Variants in KANTR observed in about 807,000 individuals in gnomAD.
KANTR encodes the protein KANTR integral membrane protein.
chrX:53,117,609 G>GTTTTTT (rs869034016), intron 2 of KANTR, among the ~76,000 whole-genome samples: 2 of 63,873 alleles, frequency 3.1e-5, no homozygotes, highest in African/African-American at 1.4e-4. Context: ...GTGTGTGTGT[G>GTTTTTT]TTTTTTTTTT....
chrX:53,137,321 A>C (rs1933438824), intron 2 of KANTR, among the ~76,000 whole-genome samples: 1 of 111,589 alleles, frequency 9.0e-6, no homozygotes, highest in Non-Finnish European at 1.9e-5. Context: ...AGGCCTTTCT[A>C]TTTGTGCCAT....
At chrX:53,102,306 A>G (rs1932901511) in intron 2 of KANTR, among the ~76,000 whole-genome samples, 1 of 110,232 alleles carries the variant, frequency 9.1e-6, no homozygotes, top group Non-Finnish European at 1.9e-5. Context: ...TTTCTTTTCA[A>G]GGATTCAGTT....
At chrX:53,145,229 G>A (rs782649555), downstream of KANTR, among the ~76,000 whole-genome samples, 1 of 111,882 alleles carries the variant, frequency 8.9e-6, no homozygotes, top group Admixed American at 9.4e-5. Context: ...GGAAGCACAA[G>A]GGGTCAGGGA....
At chrX:53,119,331 T>C (rs781927642) in intron 2 of KANTR, among the ~76,000 whole-genome samples, 32 of 112,222 alleles carry the variant, frequency 2.9e-4, no homozygotes, top group African/African-American at 9.4e-4. Flanking sequence ...TAGCCAGCAA[T>C]TTTTTGTCTT....
At chrX:53,107,064 A>G (rs1459152562) in intron 2 of KANTR, among the ~76,000 whole-genome samples, 2 of 110,758 alleles carry the variant, frequency 1.8e-5, no homozygotes, top group African/African-American at 6.7e-5. Flanking sequence ...TGTCTTAATT[A>G]CTGTAGTTGT....
At chrX:53,140,141 G>A (rs781893188) in intron 2 of KANTR, among the ~76,000 whole-genome samples, 1 of 112,345 alleles carries the variant, frequency 8.9e-6, no homozygotes, top group South Asian at 3.7e-4. Context: ...CATGGCTGAT[G>A]GGAGTGTGGA....
At chrX:53,098,934 A>G (rs782413261) in intron 1 of KANTR, among the ~76,000 whole-genome samples, 1 of 111,250 alleles carries the variant, frequency 9.0e-6, no homozygotes, top group South Asian at 3.8e-4. Context: ...TGTGTTGTCC[A>G]GGCTAGTCTC....
chrX:53,119,044 C>CTTTTTTTTTTTT (rs59837494), intron 2 of KANTR, among the ~76,000 whole-genome samples: 1 of 70,478 alleles, frequency 1.4e-5, no homozygotes. Context: ...ATTTTTCTTT[C>CTTTTTTTTTTTT]TTTTTTTTTT....
At chrX:53,101,653 A>G (rs1556811888) in intron 2 of KANTR, among the ~76,000 whole-genome samples, 3 of 111,128 alleles carry the variant, frequency 2.7e-5, no homozygotes, top group African/African-American at 6.5e-5. Flanking sequence ...GCCATCTTAC[A>G]TGGGTACAGT....
downstream of KANTR, among the ~76,000 whole-genome samples, chrX:53,128,170 T>G (rs1456200127): frequency 4.5e-5 from 5 of 111,625 alleles, no homozygotes; most frequent in African/African-American, 1.6e-4. Flanking sequence ...GGTCACCCAC[T>G]AATTTCATCA....
At chrX:53,132,383 T>C (rs1235658213), downstream of KANTR, among the ~76,000 whole-genome samples, 1 of 111,620 alleles carries the variant, frequency 9.0e-6, no homozygotes, top group African/African-American at 3.3e-5. Context: ...GGGCCTCCAG[T>C]TGCAAACAGG....
At chrX:53,098,454 A>G (rs1237499497) in intron 1 of KANTR, among the ~76,000 whole-genome samples, 4 of 111,414 alleles carry the variant, frequency 3.6e-5, no homozygotes, top group Admixed American at 9.6e-5. Context: ...TAAGATATCA[A>G]TGAAGTTTGG....
chrX:53,142,316 GTTTT>G, exon 3 of KANTR: 1 of 102,211 alleles, frequency 9.8e-6, no homozygotes, highest in Non-Finnish European at 1.9e-5. Context: ...TTCTGTGTAT[GTTTT>G]TTTTTTTTTT....
chrX:53,118,916 T>C (rs781798647), intron 2 of KANTR, among the ~76,000 whole-genome samples: 2 of 111,853 alleles, frequency 1.8e-5, no homozygotes, highest in Non-Finnish European at 3.8e-5. Flanking sequence ...AAATCATTTT[T>C]TATTGATTTG....
chrX:53,128,952 A>C (rs917876584), downstream of KANTR, among the ~76,000 whole-genome samples: 1 of 111,248 alleles, frequency 9.0e-6, no homozygotes, highest in African/African-American at 3.3e-5. Flanking sequence ...GGATGACACT[A>C]ACAATATCAT....
chrX:53,105,225 A>G lies in KANTR; in HGVS notation c.-805+5617A>G, dbSNP rs782472178. Among the ~76,000 whole-genome samples the G allele has an allele frequency of 9.9e-4, 110 of 111,516 alleles. 1 individual carries two copies. The highest frequency in any genetic ancestry group is 1.7e-3 in the Non-Finnish European group (92 of 53,141). ...TATCAAACTGTTTGCAAAAGTGGCT[A>G]TGCCATTTTACAGTCCTATCAGCAG... On this transcript the variant is annotated intron_variant, in intron 2 of 2. Transcript: ENST00000604062.
intron 2 of KANTR, among the ~76,000 whole-genome samples, chrX:53,114,004 C>T (rs1556814201): frequency 9.0e-6 from 1 of 110,815 alleles, no homozygotes; most frequent in East Asian, 2.8e-4. Flanking sequence ...TCTCAAGTGA[C>T]CCTCCTGCCT....
chrX:53,095,907 C>G (rs1556810778), intron 1 of KANTR, among the ~76,000 whole-genome samples: 1 of 111,239 alleles, frequency 9.0e-6, no homozygotes, highest in Non-Finnish European at 1.9e-5. Context: ...TCCCACCACT[C>G]TCCCCCCTTG....
intron 2 of KANTR, among the ~76,000 whole-genome samples, chrX:53,108,517 T>G (rs1932983252): frequency 8.9e-6 from 1 of 112,071 alleles, no homozygotes; most frequent in Admixed American, 9.5e-5. Flanking sequence ...ATTTCATTTT[T>G]TGATTGTTCA....
Sources: allele counts gnomAD v4.1 joint callset (sites outside exome capture counted in the v4.1 genomes callset), GRCh38; gene constraint gnomAD v4.1.1; transcripts MANE v1.5; gene names NCBI Gene and HGNC (gene_info 2026-07-23, HGNC 2026-07-21).